MAF: variants seen among roughly 807,000 people sequenced by gnomAD.
MAF encodes MAF bZIP transcription factor.
Under a neutral mutation model 22.0 loss-of-function variants are expected in MAF, and 10 were observed. The ratio of observed to expected loss-of-function variants is 0.45; its 90% CI spans 0.28 to 0.77. The LOEUF (loss-of-function observed/expected upper bound fraction) is 0.77, where lower values mean the gene tolerates loss of function less well. MAF is among the 30% of genes least tolerant of loss of function. The pLI is 0.12. For synonymous variants in MAF, 337 were observed against 255.8 expected, an observed-to-expected ratio of 1.32 and a Z score of -3.03; for missense variants, 544 against 548.4, an observed-to-expected ratio of 0.99 and a Z score of 0.08.
the MAF span, among the ~76,000 whole-genome samples, chr16:79,523,612 C>T: frequency 6.6e-6 from 1 of 152,108 alleles, no homozygotes; most frequent in African/African-American, 2.4e-5. Flanking sequence ...CAGATGAGTA[C>T]ACGAAGAATT....
At chr16:79,293,762 C>T in the MAF span, among the ~76,000 whole-genome samples, 5 of 151,814 alleles carry the variant, frequency 3.3e-5, no homozygotes, top group Non-Finnish European at 7.4e-5. Flanking sequence ...TCAGAGCATC[C>T]CATTGTTGGA....
the MAF span, among the ~76,000 whole-genome samples, chr16:79,542,661 C>G: frequency 6.6e-6 from 1 of 152,210 alleles, no homozygotes; most frequent in Non-Finnish European, 1.5e-5. Context: ...GAGAATCTTG[C>G]AAGCTTGGAC....
the MAF span, among the ~76,000 whole-genome samples, chr16:79,229,143 C>A: frequency 6.6e-6 from 1 of 151,996 alleles, no homozygotes; most frequent in South Asian, 2.1e-4. Context: ...ATAGACCCCC[C>A]CCAACACCCA....
the MAF span, among the ~76,000 whole-genome samples, chr16:79,337,250 T>A: frequency 0.025 from 3,737 of 152,202 alleles, 153 homozygotes; most frequent in African/African-American, 0.086. Flanking sequence ...CTTCTTCAGA[T>A]CAGCAATGAA....
the MAF span, among the ~76,000 whole-genome samples, chr16:79,494,715 C>T: frequency 1.3e-5 from 2 of 152,278 alleles, no homozygotes; most frequent in Non-Finnish European, 2.9e-5. Flanking sequence ...CAGACACTGA[C>T]TGAGTGTCCC....
At chr16:79,426,288 TA>T in the MAF span, among the ~76,000 whole-genome samples, 1 of 152,192 alleles carries the variant, frequency 6.6e-6, no homozygotes, top group African/African-American at 2.4e-5. Context: ...AAACAGAACC[TA>T]AAATATCTGG....
At chr16:79,539,107 T>C in the MAF span, among the ~76,000 whole-genome samples, 1 of 152,244 alleles carries the variant, frequency 6.6e-6, no homozygotes, top group South Asian at 2.1e-4. Context: ...AAATGAATAA[T>C]TCTAATAAGG....
At chr16:79,415,436 G>T in the MAF span, among the ~76,000 whole-genome samples, 2 of 151,950 alleles carry the variant, frequency 1.3e-5, no homozygotes, top group African/African-American at 4.8e-5. Context: ...ATTGTTGGGT[G>T]GTTCAGGACT....
chr16:79,211,463 C>G, the MAF span: 1 of 999,230 alleles, frequency 1.0e-6, no homozygotes, highest in Admixed American at 2.0e-5. Flanking sequence ...CATGTGCTTT[C>G]AGCCCAGTAC....
At chr16:79,314,136 G>C in the MAF span, among the ~76,000 whole-genome samples, 1 of 152,072 alleles carries the variant, frequency 6.6e-6, no homozygotes, top group African/African-American at 2.4e-5. Flanking sequence ...GCCCTTCCTC[G>C]TGTTTGCCTC....
chr16:79,254,881 A>G, the MAF span, among the ~76,000 whole-genome samples: 42 of 152,230 alleles, frequency 2.8e-4, no homozygotes, highest in South Asian at 6.2e-4. Flanking sequence ...GAGTTCGTCA[A>G]CTTGTCTCTG....
the MAF span, among the ~76,000 whole-genome samples, chr16:79,518,225 T>A: frequency 1.3e-5 from 2 of 152,154 alleles, no homozygotes; most frequent in Non-Finnish European, 2.9e-5. Flanking sequence ...GGACCTGAGG[T>A]TTCACCCAAG....
chr16:79,390,025 A>C, the MAF span, among the ~76,000 whole-genome samples: 5 of 150,788 alleles, frequency 3.3e-5, no homozygotes, highest in African/African-American at 1.2e-4. Flanking sequence ...AAAAATCCTT[A>C]GATTTTTCTC....
the MAF span, among the ~76,000 whole-genome samples, chr16:79,319,571 G>A: frequency 6.6e-6 from 1 of 152,296 alleles, no homozygotes; most frequent in South Asian, 2.1e-4. Context: ...GTGGAAAGGG[G>A]CTGGGGGGAC....
At chr16:79,292,671 G>C in the MAF span, among the ~76,000 whole-genome samples, 1 of 152,124 alleles carries the variant, frequency 6.6e-6, no homozygotes, top group Non-Finnish European at 1.5e-5. Context: ...CGGGAAGTTA[G>C]GCATTCTAAG....
chr16:79,279,790 A>T, the MAF span, among the ~76,000 whole-genome samples: 2 of 151,656 alleles, frequency 1.3e-5, no homozygotes, highest in African/African-American at 4.9e-5. Context: ...TCTTTTATAT[A>T]TTTTTTTAAC....
At chr16:79,373,513 G>C in the MAF span, among the ~76,000 whole-genome samples, 1 of 151,578 alleles carries the variant, frequency 6.6e-6, no homozygotes, top group Middle Eastern at 3.2e-3. Context: ...CTCCCAAGTA[G>C]CTGGAATTGC....
chr16:79,236,347 C>G, the MAF span, among the ~76,000 whole-genome samples: 1 of 151,886 alleles, frequency 6.6e-6, no homozygotes, highest in African/African-American at 2.4e-5. Context: ...CTCCTCCAGG[C>G]TCATTGAGGG....
the MAF span, among the ~76,000 whole-genome samples, chr16:79,218,481 C>T: frequency 6.6e-6 from 1 of 152,154 alleles, no homozygotes; most frequent in Non-Finnish European, 1.5e-5. Flanking sequence ...TTCCTTGATC[C>T]AACAGCTCCT....
Sources: gnomAD v4.1 joint callset for allele counts (sites outside exome capture counted in the v4.1 genomes callset) on GRCh38, gnomAD v4.1.1 for gene constraint, MANE v1.5 for transcripts, NCBI Gene and HGNC (gene_info 2026-07-23, HGNC 2026-07-21) for gene names.